The following BMP5 variants were observed in gnomAD, a reference collection of about 807,000 sequenced individuals.
BMP5 encodes bone morphogenetic protein 5.
BMP5 carries 23 observed loss-of-function variants against 46.6 expected under a neutral mutation model. That is an observed-to-expected ratio of 0.49 (90% CI 0.35 to 0.70). The LOEUF (loss-of-function observed/expected upper bound fraction) is 0.70. Ranked by LOEUF, BMP5 falls within the 30% of genes least tolerant of loss-of-function variation. The probability of loss-of-function intolerance (pLI) is 0.00; values close to 1 mark genes in which losing one functional copy is unlikely to be tolerated. For missense variants in BMP5, 545 were observed against 565.6 expected (o/e 0.96, Z 0.37); for synonymous variants, 204 against 191.9 (o/e 1.06, Z -0.52).
At chr6:55,796,568 T>C (rs1161386993) in intron 2 of BMP5, among the ~76,000 whole-genome samples, 1 of 151,998 alleles carries the variant, frequency 6.6e-6, no homozygotes, top group African/African-American at 2.4e-5. Context: ...GTTACATATG[T>C]ATATATGTGC....
chr6:55,765,391 G>C (rs1774894783), intron 4 of BMP5, among the ~76,000 whole-genome samples: 1 of 152,182 alleles, frequency 6.6e-6, no homozygotes, highest in Non-Finnish European at 1.5e-5. Flanking sequence ...CAAAGCAAAA[G>C]AGGAGATGTT....
chr6:55,861,970 T>C (rs1777536218), intron 1 of BMP5, among the ~76,000 whole-genome samples: 1 of 152,210 alleles, frequency 6.6e-6, no homozygotes, highest in Non-Finnish European at 1.5e-5. Context: ...TCTTCATCTA[T>C]AAAACTGAGT....
chr6:55,790,485 G>A (rs1026692526), intron 3 of BMP5, among the ~76,000 whole-genome samples: 1 of 152,104 alleles, frequency 6.6e-6, no homozygotes, highest in African/African-American at 2.4e-5. Flanking sequence ...TATGGCTGAC[G>A]ATCAAGCTAC....
At chr6:55,835,073 T>G in intron 1 of BMP5, among the ~76,000 whole-genome samples, 1 of 146,368 alleles carries the variant, frequency 6.8e-6, no homozygotes, top group African/African-American at 2.6e-5. Flanking sequence ...GCAACAAGAG[T>G]GAAACTCCAT....
chr6:55,829,795 CATAT>C (rs1562059236), intron 1 of BMP5, among the ~76,000 whole-genome samples: 1 of 151,792 alleles, frequency 6.6e-6, no homozygotes, highest in African/African-American at 2.4e-5. Flanking sequence ...TGTGAAACAC[CATAT>C]GTGATGTTTT....
In BMP5 at chr6:55,754,350, G is replaced by A. The variant is rs1219543349; in HGVS notation, c.*1183C>T. On this transcript the variant is annotated 3_prime_UTR_variant, in exon 7 of 7. Transcript: ENST00000370830. ...CACACACACACACACACACACAACA[G>A]AACCTTCCTGTTTGGAATTATTTGT... 1 of 151,162 alleles carries A rather than the reference G, an allele frequency of 6.6e-6. No homozygotes were observed. The highest frequency in any genetic ancestry group is 1.5e-5 in the Non-Finnish European group (1 of 67,694). 9.4% of individuals were successfully genotyped at this position (151,162 alleles called of 1,614,324 possible).
chr6:55,761,631 T>C (rs9475396), intron 4 of BMP5, among the ~76,000 whole-genome samples: 29,391 of 152,060 alleles, frequency 0.19, 3,023 homozygotes, highest in African/African-American at 0.25. Context: ...GGCTAATTCC[T>C]GCATCTTCAT....
At chr6:55,779,580 T>C (rs1314556945) in intron 3 of BMP5, among the ~76,000 whole-genome samples, 1 of 152,082 alleles carries the variant, frequency 6.6e-6, no homozygotes, top group Admixed American at 6.6e-5. Context: ...CCACCCAGCA[T>C]ACAGAATAAA....
rs1582137923 is a variant in BMP5, at chr6:55,874,449, A to G, written c.417T>C (p.Ser139=). ...LSRTTPLTTQ[S]PPLASLHDTN... ...TATCATGGAGGCTGGCTAGAGGAGG[A>G]CTCTGGGTGGTCAGAGGAGTCGTCC... Residue 139 remains serine (S), a synonymous_variant, in exon 1 of 7, where the codon AGT becomes AGC. Transcript: ENST00000370830. The G allele has an allele frequency of 6.2e-7, 1 of 1,613,138 alleles. No individual in the cohort carries two copies. The highest frequency in any genetic ancestry group is 2.2e-5 in the East Asian group (1 of 44,832).
intron 1 of BMP5, among the ~76,000 whole-genome samples, chr6:55,853,921 G>A (rs562762561): frequency 6.6e-6 from 1 of 152,220 alleles, no homozygotes; most frequent in Non-Finnish European, 1.5e-5. Context: ...ACTACCCTAA[G>A]TAAGCTCAAC....
chr6:55,780,456 T>TAA (rs369703099), intron 3 of BMP5, among the ~76,000 whole-genome samples: 49 of 61,990 alleles, frequency 7.9e-4, no homozygotes, highest in African/African-American at 3.4e-3. Context: ...CCATCACTAC[T>TAA]AAAAAAAAAA....
At chr6:55,840,509 T>C (rs1179326654) in intron 1 of BMP5, among the ~76,000 whole-genome samples, 1 of 152,174 alleles carries the variant, frequency 6.6e-6, no homozygotes, top group Admixed American at 6.5e-5. Context: ...TATAGATTTC[T>C]TTCATGATAC....
intron 1 of BMP5, among the ~76,000 whole-genome samples, chr6:55,839,279 T>C (rs1776894254): frequency 6.6e-6 from 1 of 152,048 alleles, no homozygotes. Context: ...GTTTTATTTA[T>C]TTACTTTTAT....
intron 1 of BMP5, among the ~76,000 whole-genome samples, chr6:55,867,673 A>G (rs554385484): frequency 2.5e-4 from 38 of 152,236 alleles, no homozygotes; most frequent in Admixed American, 2.2e-3. Flanking sequence ...CTCTGCTGCC[A>G]CCATCTTGAA....
chr6:55,801,523 T>G (rs998174146), intron 2 of BMP5, among the ~76,000 whole-genome samples: 1 of 152,232 alleles, frequency 6.6e-6, no homozygotes, highest in Admixed American at 6.5e-5. Context: ...CCAATGCATC[T>G]TTCCTTTCTG....
At chr6:55,830,445 A>G (rs548360934) in intron 1 of BMP5, among the ~76,000 whole-genome samples, 20 of 152,112 alleles carry the variant, frequency 1.3e-4, no homozygotes, top group Non-Finnish European at 1.9e-4. Flanking sequence ...AACTCAGAGC[A>G]AAATTCAGCT....
At chr6:55,800,021 C>T (rs996854964) in intron 2 of BMP5, among the ~76,000 whole-genome samples, 3 of 152,038 alleles carry the variant, frequency 2.0e-5, no homozygotes, top group Admixed American at 2.0e-4. Context: ...TAAATAAATG[C>T]TAAAAAACAA....
chr6:55,845,766 G>A (rs1014604311), intron 1 of BMP5, among the ~76,000 whole-genome samples: 2 of 151,994 alleles, frequency 1.3e-5, no homozygotes, highest in East Asian at 1.9e-4. Context: ...CTGGACTCAA[G>A]TTTATCAAAT....
intron 2 of BMP5, among the ~76,000 whole-genome samples, chr6:55,815,520 T>G (rs1276672132): frequency 2.0e-5 from 3 of 152,140 alleles, no homozygotes; most frequent in Non-Finnish European, 4.4e-5. Context: ...AGGAAAAATA[T>G]CAGTGAAATC....
Sources: gnomAD v4.1 joint callset for allele counts (sites outside exome capture counted in the v4.1 genomes callset) on GRCh38, gnomAD v4.1.1 for gene constraint, MANE v1.5 for transcripts, NCBI Gene and HGNC (gene_info 2026-07-23, HGNC 2026-07-21) for gene names.